CACNA2D3: variants seen among roughly 807,000 people sequenced by gnomAD.
The protein encoded by CACNA2D3 is calcium voltage-gated channel auxiliary subunit alpha2delta 3.
In CACNA2D3, 60 loss-of-function variants were observed where a neutral mutation model predicts 160.6. That is an observed-to-expected ratio of 0.37 (90% CI 0.30 to 0.46). The LOEUF (loss-of-function observed/expected upper bound fraction) is 0.46. CACNA2D3 is among the 20% of genes least tolerant of loss of function. The pLI is 1.00. For synonymous variants in CACNA2D3, 558 were observed against 492.9 expected, an observed-to-expected ratio of 1.13 and a Z score of -1.75; for missense variants, 1,205 against 1,365.0, an observed-to-expected ratio of 0.88 and a Z score of 1.85.
At chr3:54,961,568 G>C (rs1380138205) in intron 27 of CACNA2D3, among the ~76,000 whole-genome samples, 2 of 152,150 alleles carry the variant, frequency 1.3e-5, no homozygotes, top group African/African-American at 4.8e-5. Flanking sequence ...CTGTTTCTCT[G>C]CCTGGACACC....
At chr3:54,332,551 GATTTATCT>G (rs1433606162) in intron 3 of CACNA2D3, among the ~76,000 whole-genome samples, 5 of 152,212 alleles carry the variant, frequency 3.3e-5, no homozygotes, top group African/African-American at 9.6e-5. Context: ...CAGGTTCTCT[GATTTATCT>G]GGTAACCACA....
intron 2 of CACNA2D3, among the ~76,000 whole-genome samples, chr3:54,259,980 T>C (rs1702373607): frequency 1.3e-5 from 2 of 152,224 alleles, no homozygotes. Context: ...TGTTTCCTCC[T>C]CCTTCTCCTT....
In CACNA2D3 at chr3:54,880,791, C is replaced by G. The variant is rs1699777830; in HGVS notation, c.1845-5C>G. 3 of 1,612,770 alleles carry G rather than the reference C, an allele frequency of 1.9e-6. No individual in the cohort carries two copies. Among genetic ancestry groups the G allele is most frequent in the Non-Finnish European group, 2.5e-6 (3 of 1,178,916 alleles). Reference sequence around the variant, plus strand: ...TTTCAAGATTTGCTTTGTCTCTCTGCACAGTTTAGGTGTGGCGCTTTCCAG... The same window carrying G: ...TTTCAAGATTTGCTTTGTCTCTCTGGACAGTTTAGGTGTGGCGCTTTCCAG... On this transcript the variant is annotated splice_region_variant and splice_polypyrimidine_tract_variant and intron_variant, in intron 20 of 37. Transcript: ENST00000474759.
chr3:54,701,972 A>G (rs1272462450), intron 11 of CACNA2D3, among the ~76,000 whole-genome samples: 1 of 152,158 alleles, frequency 6.6e-6, no homozygotes, highest in African/African-American at 2.4e-5. Context: ...CAACCATCTG[A>G]TCTTCAACCA....
intron 28 of CACNA2D3, among the ~76,000 whole-genome samples, chr3:54,969,378 G>T (rs535047891): frequency 1.2e-3 from 176 of 151,038 alleles, no homozygotes; most frequent in African/African-American, 4.1e-3. Context: ...TCCTGCCTCA[G>T]CCTCCTGAGT....
chr3:54,329,084 C>G (rs1290632248), intron 3 of CACNA2D3, among the ~76,000 whole-genome samples: 1 of 152,180 alleles, frequency 6.6e-6, no homozygotes, highest in African/African-American at 2.4e-5. Context: ...GACTGACCAC[C>G]AGGGTCACTT....
chr3:54,865,118 G>A (rs569674354), intron 17 of CACNA2D3, among the ~76,000 whole-genome samples: 5 of 152,158 alleles, frequency 3.3e-5, no homozygotes, highest in Admixed American at 6.5e-5. Context: ...AACAAGATTA[G>A]TTACTACATT....
At chr3:54,236,395 G>C in intron 2 of CACNA2D3, among the ~76,000 whole-genome samples, 1 of 152,160 alleles carries the variant, frequency 6.6e-6, no homozygotes, top group Admixed American at 6.5e-5. Flanking sequence ...GAAACTGGGC[G>C]TGCGACATAT....
chr3:54,264,243 T>G (rs1702461303), intron 2 of CACNA2D3, among the ~76,000 whole-genome samples: 2 of 152,216 alleles, frequency 1.3e-5, no homozygotes, highest in Non-Finnish European at 2.9e-5. Flanking sequence ...CTTCCTGTCC[T>G]TGTATCACTT....
intron 5 of CACNA2D3, among the ~76,000 whole-genome samples, chr3:54,558,141 C>G (rs1702268361): frequency 6.6e-6 from 1 of 152,186 alleles, no homozygotes; most frequent in Non-Finnish European, 1.5e-5. Context: ...CCATTTCTAG[C>G]ATTATGTTGC....
At chr3:54,655,079 C>T (rs1699854572) in intron 11 of CACNA2D3, among the ~76,000 whole-genome samples, 1 of 152,208 alleles carries the variant, frequency 6.6e-6, no homozygotes. Context: ...GACATGTTAG[C>T]TTATTGGCTG....
intron 5 of CACNA2D3, among the ~76,000 whole-genome samples, chr3:54,524,299 T>C (rs181389972): frequency 1.3e-5 from 2 of 152,280 alleles, no homozygotes; most frequent in Non-Finnish European, 1.5e-5. Flanking sequence ...TTCACATAGT[T>C]GTGAATTCCC....
chr3:54,298,644 A>T (rs1703395122), intron 2 of CACNA2D3, among the ~76,000 whole-genome samples: 1 of 152,094 alleles, frequency 6.6e-6, no homozygotes, highest in Non-Finnish European at 1.5e-5. Context: ...ATAAAAAAGT[A>T]CAACAATTAG....
chr3:54,208,493 T>G (rs1422227136), intron 2 of CACNA2D3, among the ~76,000 whole-genome samples: 1 of 152,152 alleles, frequency 6.6e-6, no homozygotes, highest in African/African-American at 2.4e-5. Context: ...AAGGCACTTA[T>G]GGTATGGAAT....
At position 54,413,429 on chromosome 3, in the gene CACNA2D3, T is replaced by TATAG. The variant is rs1699704482; in HGVS notation, c.381+26658_381+26659insGATA. On this transcript the variant is annotated intron_variant, in intron 4 of 37. Coordinates refer to ENST00000474759, the MANE Select transcript of CACNA2D3 (RefSeq NM_018398.3). ...ATATCTATATATATAGATATCTATATATATATATATCTGCTTGCTCTGCTT... is the reference window on the plus strand; with the variant it reads ...ATATCTATATATATAGATATCTATATATAGATATATATATCTGCTTGCTCTGCTT... Among the ~76,000 whole-genome samples, 5 of 147,962 alleles carry TATAG rather than the reference T, an allele frequency of 3.4e-5. No individual in the cohort carries two copies. The South Asian group carries it at 1.1e-3, about 31-fold the overall frequency.
chr3:54,171,094 G>A (rs965577784), intron 2 of CACNA2D3, among the ~76,000 whole-genome samples: 1 of 134,520 alleles, frequency 7.4e-6, no homozygotes, highest in African/African-American at 2.7e-5. Flanking sequence ...GTACTTTGAT[G>A]GAAGTTTCAT....
intron 2 of CACNA2D3, among the ~76,000 whole-genome samples, chr3:54,295,399 A>G (rs1223606795): frequency 1.3e-5 from 2 of 150,826 alleles, no homozygotes; most frequent in South Asian, 2.2e-4. Flanking sequence ...GGACGTGCCC[A>G]TGACACAGCC....
chr3:54,970,074 C>A (rs1051989824), intron 29 of CACNA2D3, among the ~76,000 whole-genome samples: 1 of 151,970 alleles, frequency 6.6e-6, no homozygotes, highest in African/African-American at 2.4e-5. Flanking sequence ...TCATGGATAG[C>A]ACTATTGGAA....
At chr3:54,807,431 G>A (rs1703162243) in intron 13 of CACNA2D3, among the ~76,000 whole-genome samples, 1 of 152,194 alleles carries the variant, frequency 6.6e-6, no homozygotes. Context: ...AGGCATTTAT[G>A]CAGCCAAAAA....
Sources: allele counts gnomAD v4.1 joint callset (sites outside exome capture counted in the v4.1 genomes callset), GRCh38; gene constraint gnomAD v4.1.1; transcripts MANE v1.5; gene names NCBI Gene and HGNC (gene_info 2026-07-23, HGNC 2026-07-21).